UBXN11: variants seen among roughly 807,000 people sequenced by gnomAD.
UBXN11 encodes UBX domain protein 11.
Under a neutral mutation model 62.8 loss-of-function variants are expected in UBXN11, and 47 were observed. The ratio of observed to expected loss-of-function variants is 0.75; its 90% CI spans 0.59 to 0.95. The LOEUF is 0.95. Among genes scored for constraint, UBXN11 ranks in the 40% least tolerant of loss-of-function variants. UBXN11 has a pLI of 0.00. For synonymous variants in UBXN11, 294 were observed against 267.0 expected, an observed-to-expected ratio of 1.10 and a Z score of -0.99; for missense variants, 638 against 661.7, an observed-to-expected ratio of 0.96 and a Z score of 0.39.
chr1:26,290,058 G>A (rs1398659810), intron 8 of UBXN11, among the ~76,000 whole-genome samples: 1 of 152,232 alleles, frequency 6.6e-6, no homozygotes, highest in Non-Finnish European at 1.5e-5. Flanking sequence ...CCCACCTGCA[G>A]CTCTCTCTGG....
chr1:26,284,529 C>T (rs1299427711), intron 10 of UBXN11, 47 bp from the exon 11 acceptor site: 3 of 1,539,712 alleles, frequency 1.9e-6, no homozygotes, highest in South Asian at 1.2e-5. Flanking sequence ...AGCTCTTCAG[C>T]CCTTGGCCCC....
chr1:26,299,305 A>T (rs952040568), intron 4 of UBXN11, among the ~76,000 whole-genome samples: 79 of 152,134 alleles, frequency 5.2e-4, no homozygotes, highest in African/African-American at 1.8e-3. Context: ...TGAGACCAGG[A>T]GTTCGAGACC....
At chr1:26,284,821 G>C in intron 10 of UBXN11, 1 of 1,072,054 alleles carries the variant, frequency 9.3e-7, no homozygotes, top group Non-Finnish European at 1.1e-6. Context: ...AGCACAAACC[G>C]CATCATCGTA....
intron 1 of UBXN11, among the ~76,000 whole-genome samples, chr1:26,305,411 G>A (rs1414804114): frequency 6.6e-6 from 1 of 152,116 alleles, no homozygotes; most frequent in African/African-American, 2.4e-5. Flanking sequence ...TCACAGAGCT[G>A]TACTACCATC....
chr1:26,314,671 C>A (rs1283164527), intron 1 of UBXN11, among the ~76,000 whole-genome samples: 1 of 152,162 alleles, frequency 6.6e-6, no homozygotes, highest in Non-Finnish European at 1.5e-5. Flanking sequence ...CTACACTGTG[C>A]CATGTTCTGT....
intron 8 of UBXN11, among the ~76,000 whole-genome samples, chr1:26,288,366 T>C (rs1345790896): frequency 6.6e-6 from 1 of 152,152 alleles, no homozygotes; most frequent in East Asian, 1.9e-4. Flanking sequence ...AAAATGGCCC[T>C]GGCTTAAAGA....
upstream of UBXN11, among the ~76,000 whole-genome samples, chr1:26,307,955 C>T (rs1346142503): frequency 6.6e-6 from 1 of 152,040 alleles, no homozygotes; most frequent in Non-Finnish European, 1.5e-5. Flanking sequence ...GTGCCAAGTA[C>T]CAGATGGTAA....
In UBXN11 at chr1:26,290,359, G is replaced by A. The variant is rs191306699; in HGVS notation, c.559+3846C>T. Among the ~76,000 whole-genome samples the A allele has an allele frequency of 2.0e-5, 3 of 152,306 alleles. No homozygotes were observed. In the East Asian group the frequency reaches 5.8e-4, roughly 29 times the overall value. ...TCAGCGATCTGCTGATCTGGGGTCTGACCCGACCTGAACCCTGCCTCAGCC... is the reference window on the plus strand; with the variant it reads ...TCAGCGATCTGCTGATCTGGGGTCTAACCCGACCTGAACCCTGCCTCAGCC... On this transcript the variant is annotated intron_variant, in intron 8 of 14. Transcript: ENST00000374222.
chr1:26,301,530 G>T (rs2073533785), intron 3 of UBXN11, among the ~76,000 whole-genome samples, 164 bp downstream of exon 3: 1 of 152,160 alleles, frequency 6.6e-6, no homozygotes, highest in South Asian at 2.1e-4. Context: ...CAGGAGGGAA[G>T]CCCAGCCCTC....
intron 3 of UBXN11, among the ~76,000 whole-genome samples, chr1:26,301,368 G>A (rs1477963962): frequency 6.6e-6 from 1 of 152,106 alleles, no homozygotes; most frequent in East Asian, 1.9e-4. Flanking sequence ...GGGGGAAGGG[G>A]GGCTGGGATC....
intron 1 of UBXN11, among the ~76,000 whole-genome samples, chr1:26,312,703 C>T (rs980862179): frequency 2.6e-5 from 4 of 151,422 alleles, no homozygotes; most frequent in African/African-American, 9.7e-5. Flanking sequence ...TGAGGCTGGA[C>T]ACAGTGGCTC....
At chr1:26,300,212 G>A (rs1467179458) in intron 4 of UBXN11, among the ~76,000 whole-genome samples, 5 of 152,128 alleles carry the variant, frequency 3.3e-5, no homozygotes, top group African/African-American at 4.8e-5. Flanking sequence ...TGAGCACCTC[G>A]CGTGACAGGC....
chr1:26,301,807 TC>T, intron 2 of UBXN11, 85 bp from the exon 3 acceptor site: 1 of 1,564,710 alleles, frequency 6.4e-7, no homozygotes, highest in Non-Finnish European at 8.7e-7. Flanking sequence ...GCACCGGACT[TC>T]AGCCAAAGCT....
chr1:26,313,121 G>A (rs1002378438), intron 1 of UBXN11, among the ~76,000 whole-genome samples: 1 of 151,980 alleles, frequency 6.6e-6, no homozygotes, highest in Admixed American at 6.6e-5. Context: ...CCCTGTCTCA[G>A]TGAGGATGAA....
intron 1 of UBXN11, among the ~76,000 whole-genome samples, chr1:26,316,312 G>A (rs2124683371): frequency 6.6e-6 from 1 of 151,890 alleles, no homozygotes. Context: ...TCTCCCCTGG[G>A]CTTGCAACAC....
chr1:26,314,072 GCCCGGCCGGTTCTTTA>G (rs2073768744), intron 1 of UBXN11, among the ~76,000 whole-genome samples: 1 of 152,046 alleles, frequency 6.6e-6, no homozygotes, highest in Non-Finnish European at 1.5e-5. Context: ...TAGCCACCGC[GCCCGGCCGGTTCTTTA>G]CTATAATTTC....
At chr1:26,315,722 C>T (rs1229753223) in intron 1 of UBXN11, among the ~76,000 whole-genome samples, 2 of 152,176 alleles carry the variant, frequency 1.3e-5, no homozygotes, top group Admixed American at 6.5e-5. Context: ...TGCAATGGCA[C>T]GATCTCGGCT....
chr1:26,296,834 GGC>G, intron 7 of UBXN11, 83 bp downstream of exon 7: 1 of 1,407,506 alleles, frequency 7.1e-7, no homozygotes, highest in South Asian at 1.3e-5. Context: ...CAGAGAGGTG[GGC>G]TCGGACCCAG....
chr1:26,316,115 T>C (rs910238494), intron 1 of UBXN11, among the ~76,000 whole-genome samples: 2 of 149,120 alleles, frequency 1.3e-5, no homozygotes, highest in African/African-American at 4.9e-5. Flanking sequence ...TGTGCCACTA[T>C]GCCCGGCTAA....
Sources: allele counts gnomAD v4.1 joint callset (sites outside exome capture counted in the v4.1 genomes callset), GRCh38; gene constraint gnomAD v4.1.1; transcripts MANE v1.5; gene names NCBI Gene and HGNC (gene_info 2026-07-23, HGNC 2026-07-21).